Variants in RHOBTB3 observed in about 807,000 individuals in gnomAD.
RHOBTB3 encodes the protein rho-related BTB domain-containing protein 3.
A neutral mutation model predicts 67.2 loss-of-function variants in RHOBTB3; 47 were observed. The observed-to-expected ratio is 0.70, with a 90% CI of 0.55 to 0.89. RHOBTB3 has a LOEUF of 0.89. Among genes scored for constraint, RHOBTB3 ranks in the 40% least tolerant of loss-of-function variants. The pLI is 0.00. For missense variants in RHOBTB3, 631 were observed against 750.0 expected (o/e 0.84, Z 1.85); for synonymous variants, 273 against 274.2 (o/e 1.00, Z 0.04).
At chr5:95,776,221 A>G (rs989156873) in intron 8 of RHOBTB3, among the ~76,000 whole-genome samples, 1 of 152,104 alleles carries the variant, frequency 6.6e-6, no homozygotes, top group African/African-American at 2.4e-5. Flanking sequence ...AGCCTGGCCA[A>G]CATGGTGAAA....
chr5:95,731,033 T>C (rs2112764186), upstream of RHOBTB3: 1 of 981,632 alleles, frequency 1.0e-6, no homozygotes, highest in South Asian at 1.6e-5. Context: ...CACCCCCCTT[T>C]CCTGGCTCTG....
At chr5:95,740,743 C>T (rs565656617) in intron 3 of RHOBTB3, among the ~76,000 whole-genome samples, 2 of 152,278 alleles carry the variant, frequency 1.3e-5, no homozygotes, top group Admixed American at 6.5e-5. Flanking sequence ...CAGATCATGG[C>T]GCTCAATGCT....
chr5:95,736,204 A>G (rs1183316559), intron 2 of RHOBTB3, among the ~76,000 whole-genome samples: 1 of 152,218 alleles, frequency 6.6e-6, no homozygotes, highest in African/African-American at 2.4e-5. Context: ...ATATTTCAGA[A>G]CTAGAAGAGT....
chr5:95,730,205 G>A (rs192031654), upstream of RHOBTB3, among the ~76,000 whole-genome samples: 15 of 152,156 alleles, frequency 9.9e-5, no homozygotes, highest in African/African-American at 3.6e-4. Flanking sequence ...TGTTGCCCTA[G>A]TTTTTTTACT....
chr5:95,762,959 C>T (rs1251284132), intron 6 of RHOBTB3, among the ~76,000 whole-genome samples: 4 of 152,086 alleles, frequency 2.6e-5, no homozygotes, highest in African/African-American at 7.2e-5. Context: ...TGATTTTGCT[C>T]CGATGACATG....
At chr5:95,791,181 G>T (rs1197270888) in intron 11 of RHOBTB3, among the ~76,000 whole-genome samples, 1 of 152,084 alleles carries the variant, frequency 6.6e-6, no homozygotes, top group Middle Eastern at 3.2e-3. Context: ...TGTTGACTGA[G>T]AATTTTTCAT....
In RHOBTB3 at chr5:95,750,799, A is replaced by G. The variant is rs756661088; in HGVS notation, c.571-1440A>G. ...GACAGTGGACAGAGCTTTGATGTCC[A>G]CTTGTGTGCACAGAGCTCTTTAAAG... On this transcript the variant is annotated intron_variant, in intron 4 of 11. Coordinates refer to ENST00000379982, the MANE Select transcript of RHOBTB3 (RefSeq NM_014899.4). Among the ~76,000 whole-genome samples the G allele has an allele frequency of 1.1e-4, 16 of 152,232 alleles. No homozygotes were observed. In the South Asian group the frequency reaches 1.5e-3, roughly 14 times the overall value.
intron 1 of RHOBTB3, among the ~76,000 whole-genome samples, chr5:95,722,676 G>A (rs959213648): frequency 6.6e-6 from 1 of 152,176 alleles, no homozygotes; most frequent in African/African-American, 2.4e-5. Context: ...TTTTAGTAGA[G>A]GCAGGGTTTC....
At position 95,755,585 on chromosome 5, in the gene RHOBTB3, C is replaced by A; in HGVS notation, c.872C>A (p.Thr291Asn). The A allele has an allele frequency of 1.9e-6, 3 of 1,614,070 alleles. No individual in the cohort carries two copies. The highest frequency in any genetic ancestry group is 2.5e-6 in the Non-Finnish European group (3 of 1,179,948). ...CTGCTTTTCAATGTGAAGAGTCCCA[C>A]TGACATTCAGGATTCCAGTATCATC... ...FMLLFNVKSP[T>N]DIQDSSIIRT... Residue 291 changes from threonine to asparagine, a missense_variant, in exon 6 of 12, where the codon ACT becomes AAT. By Grantham distance (65) the Thr-to-Asn change is moderately conservative (BLOSUM62 0). Coordinates refer to ENST00000379982, the MANE Select transcript of RHOBTB3 (RefSeq NM_014899.4).
chr5:95,782,120 G>A (rs1396443632), intron 9 of RHOBTB3: 2 of 152,172 alleles, frequency 1.3e-5, no homozygotes, highest in Admixed American at 6.5e-5. Flanking sequence ...GCAAAAGTGT[G>A]TTAGGGAAAA....
upstream of RHOBTB3, chr5:95,731,294 C>T (rs935608988): frequency 6.4e-5 from 66 of 1,033,746 alleles, no homozygotes; most frequent in African/African-American, 1.7e-4. Context: ...ATCTCCCCGA[C>T]CCCCCTTCTC....
intron 7 of RHOBTB3, among the ~76,000 whole-genome samples, chr5:95,764,097 A>C (rs1294646702): frequency 6.6e-6 from 1 of 152,216 alleles, no homozygotes; most frequent in Non-Finnish European, 1.5e-5. Context: ...GGCATGAGCC[A>C]CCACACTCGG....
rs199765093 is a variant in RHOBTB3, at chr5:95,731,660, G to A, written c.-23G>A. 2.6e-4 allele frequency: 424 copies of A among 1,613,072 alleles called. 1 individual carries two copies. In the Middle Eastern group the frequency reaches 3.3e-3, roughly 13 times the overall value. ...AGCCGCTGCTTTTCTCCGAGTCGCC[G>A]CCCTGCCCTTGGATTTGAGATCATG... On this transcript the variant is annotated 5_prime_UTR_variant, in exon 1 of 12. Coordinates refer to ENST00000379982, the MANE Select transcript of RHOBTB3 (RefSeq NM_014899.4).
intron 1 of RHOBTB3, among the ~76,000 whole-genome samples, chr5:95,721,112 A>T (rs2112746223): frequency 6.6e-6 from 1 of 152,348 alleles, no homozygotes; most frequent in East Asian, 1.9e-4. Flanking sequence ...AAAGGCAAAA[A>T]ACCTTGGCAA....
In RHOBTB3 at chr5:95,737,033, T is replaced by G. The variant is rs753450088; in HGVS notation, c.373T>G (p.Ser125Ala). 1 of 1,603,860 alleles carries G rather than the reference T, an allele frequency of 6.2e-7. No homozygotes were observed. Among genetic ancestry groups the G allele is most frequent in the Non-Finnish European group, 8.5e-7 (1 of 1,171,524 alleles). The change falls in exon 3 of 12, where the codon TCA (serine) becomes GCA (alanine). Residue 125 changes from serine to alanine, a missense_variant. Transcript: ENST00000379982. ...YIPVIKRALNSVPVIIAAVGT... is the reference protein window; with the variant it reads ...YIPVIKRALNAVPVIIAAVGT... Reference sequence around the variant, plus strand: ...TCCAGTGATAAAAAGAGCATTAAATTCAGTTCCAGTAATTATTGCTGCTGT... The same window carrying G: ...TCCAGTGATAAAAAGAGCATTAAATGCAGTTCCAGTAATTATTGCTGCTGT...
chr5:95,719,731 C>A (rs1334145254), intron 1 of RHOBTB3: 2 of 152,182 alleles, frequency 1.3e-5, no homozygotes, highest in East Asian at 3.8e-4. Context: ...GTAGTTAATG[C>A]CATCATGCAG....
chr5:95,761,094 G>A (rs1745380308), intron 6 of RHOBTB3, among the ~76,000 whole-genome samples: 1 of 152,074 alleles, frequency 6.6e-6, no homozygotes, highest in African/African-American at 2.4e-5. Context: ...ATTATTTGAT[G>A]CTTGCTTGCT....
intron 10 of RHOBTB3, among the ~76,000 whole-genome samples, chr5:95,785,593 CA>C (rs1370364820): frequency 0.02 from 2,239 of 112,682 alleles, 32 homozygotes; most frequent in African/African-American, 0.058. Flanking sequence ...GACTCCGTCT[CA>C]AAAAAAAAAA....
upstream of RHOBTB3, among the ~76,000 whole-genome samples, chr5:95,729,479 CAT>C (rs1051139345): frequency 2.0e-5 from 3 of 152,086 alleles, no homozygotes; most frequent in African/African-American, 7.2e-5. Flanking sequence ...TTTATATTGT[CAT>C]AAAATATAAC....
Sources: allele counts gnomAD v4.1 joint callset (sites outside exome capture counted in the v4.1 genomes callset), GRCh38; gene constraint gnomAD v4.1.1; transcripts MANE v1.5; gene names NCBI Gene and HGNC (gene_info 2026-07-23, HGNC 2026-07-21).